ZNF487: variants seen among roughly 807,000 people sequenced by gnomAD.
The protein encoded by ZNF487 is zinc finger protein 487, also known as KRAB domain only 1.
In ZNF487, 4 loss-of-function variants were observed where a neutral mutation model predicts 3.0. That is an observed-to-expected ratio of 1.35 (90% CI 0.66 to 3.08). The LOEUF (loss-of-function observed/expected upper bound fraction) is 3.08. Among genes scored for constraint, ZNF487 ranks in the 30% most tolerant of loss-of-function variants. The pLI is 0.01. For missense variants in ZNF487, 146 were observed against 98.7 expected (o/e 1.48, Z -2.03); for synonymous variants, 55 against 34.6 (o/e 1.59, Z -2.06).
At chr10:43,506,818 C>T in the ZNF487 span, among the ~76,000 whole-genome samples, 26 of 152,250 alleles carry the variant, frequency 1.7e-4, no homozygotes, top group Middle Eastern at 6.8e-3. Context: ...TCAGCCATCC[C>T]ACGACCCAAG....
At chr10:43,498,096 TATA>T in the ZNF487 span, among the ~76,000 whole-genome samples, 266 of 10,460 alleles carry the variant, frequency 0.025, 17 homozygotes, top group South Asian at 0.045. Context: ...TATATATATA[TATA>T]TTTTTTTTTT....
chr10:43,520,162 T>A, the ZNF487 span, among the ~76,000 whole-genome samples: 1 of 149,926 alleles, frequency 6.7e-6, no homozygotes, highest in African/African-American at 2.5e-5. Flanking sequence ...GATTATCTGA[T>A]ACCTGACCAG....
chr10:43,476,406 T>C (rs1171010307), intron 3 of ZNF487, among the ~76,000 whole-genome samples: 1 of 152,232 alleles, frequency 6.6e-6, no homozygotes, highest in African/African-American at 2.4e-5. Context: ...AAATGGTCTT[T>C]GTTTTTTTCC....
the ZNF487 span, among the ~76,000 whole-genome samples, chr10:43,502,330 A>G: frequency 6.6e-6 from 1 of 152,128 alleles, no homozygotes; most frequent in African/African-American, 2.4e-5. Context: ...GGAATTGAAC[A>G]ATGAGAACAC....
chr10:43,503,430 A>G, the ZNF487 span, among the ~76,000 whole-genome samples: 1 of 152,150 alleles, frequency 6.6e-6, no homozygotes, highest in Non-Finnish European at 1.5e-5. Context: ...AAGGAAAACT[A>G]TTTTAAAAAT....
chr10:43,446,941 C>T (rs959372726), intron 1 of ZNF487, among the ~76,000 whole-genome samples: 10 of 152,086 alleles, frequency 6.6e-5, no homozygotes, highest in Admixed American at 5.9e-4. Flanking sequence ...TCTGCAATCC[C>T]GGCACCTCAG....
intron 1 of ZNF487, among the ~76,000 whole-genome samples, chr10:43,447,611 G>A (rs1231979976): frequency 6.6e-6 from 1 of 152,154 alleles, no homozygotes; most frequent in Non-Finnish European, 1.5e-5. Context: ...TGAGCACTGG[G>A]CACTATTCCC....
At chr10:43,446,351 C>A (rs999833906) in intron 1 of ZNF487, among the ~76,000 whole-genome samples, 1 of 151,538 alleles carries the variant, frequency 6.6e-6, no homozygotes, top group African/African-American at 2.4e-5. Flanking sequence ...ACTCTCCTCA[C>A]TTCCCAGACG....
chr10:43,503,027 CAAA>C, the ZNF487 span, among the ~76,000 whole-genome samples: 3,986 of 95,746 alleles, frequency 0.042, 159 homozygotes, highest in African/African-American at 0.14. Flanking sequence ...GACCCTGTCT[CAAA>C]AAAAAAAAAA....
chr10:43,452,493 G>A (rs1308978246), intron 1 of ZNF487: 1 of 150,764 alleles, frequency 6.6e-6, no homozygotes, highest in Non-Finnish European at 1.5e-5. Context: ...CTGGAACCAC[G>A]GGGGTGTGCC....
At chr10:43,455,258 G>A (rs566223600) in intron 1 of ZNF487, among the ~76,000 whole-genome samples, 2 of 152,124 alleles carry the variant, frequency 1.3e-5, no homozygotes, top group East Asian at 3.9e-4. Context: ...TGATCCGCCC[G>A]CCTCGGCCTC....
intron 1 of ZNF487, among the ~76,000 whole-genome samples, chr10:43,474,408 C>T (rs563047892): frequency 5.1e-4 from 77 of 150,226 alleles, no homozygotes; most frequent in African/African-American, 1.9e-3. Flanking sequence ...GAGCTGAGAT[C>T]GTGCCATTGC....
rs1424943770 is a variant in ZNF487, at chr10:43,481,473, C to G, written c.175C>G (p.Gln59Glu). The G allele has an allele frequency of 4.2e-6, 3 of 716,952 alleles. No homozygotes were observed. The highest frequency in any genetic ancestry group is 2.3e-4 in the Middle Eastern group (1 of 4,390). 44.4% of individuals were successfully genotyped at this position (716,952 alleles called of 1,614,324 possible). Residue 59 changes from glutamine (Q) to glutamate (E), a missense_variant, in exon 4 of 4, where the codon CAA becomes GAA. Transcript: ENST00000437590. ...DDLMEKRQEN[Q>E]DQHLQKVDFV... ...CCTGATGGAGAAGAGACAGGAAAAT[C>G]AAGACCAGCATTTGCAGAAAGTTGA... is the stretch of plus-strand genomic sequence containing the variant.
intron 1 of ZNF487, chr10:43,453,269 C>G (rs1806586916): frequency 6.6e-6 from 1 of 152,212 alleles, no homozygotes; most frequent in African/African-American, 2.4e-5. Flanking sequence ...GAGATACACA[C>G]TTGCATACAC....
chr10:43,498,746 T>A, the ZNF487 span, among the ~76,000 whole-genome samples: 2 of 151,474 alleles, frequency 1.3e-5, no homozygotes, highest in African/African-American at 4.8e-5. Flanking sequence ...ATTGAGACCA[T>A]CCTGGCTAAC....
At chr10:43,490,999 G>C in the ZNF487 span, among the ~76,000 whole-genome samples, 172 of 105,878 alleles carry the variant, frequency 1.6e-3, 1 homozygote, top group Non-Finnish European at 1.9e-3. Flanking sequence ...TTTTTTTTGA[G>C]ACAGAGTCTC....
chr10:43,498,091 A>ATTT, the ZNF487 span, among the ~76,000 whole-genome samples: 2 of 27,956 alleles, frequency 7.2e-5, no homozygotes, highest in African/African-American at 1.6e-4. Context: ...ATATATATAT[A>ATTT]TATATATATT....
At chr10:43,518,663 C>T in the ZNF487 span, among the ~76,000 whole-genome samples, 2 of 152,188 alleles carry the variant, frequency 1.3e-5, no homozygotes, top group African/African-American at 4.8e-5. Context: ...AAGCCTGGCA[C>T]ACAATTGTCC....
the ZNF487 span, among the ~76,000 whole-genome samples, chr10:43,512,372 G>T: frequency 1.3e-5 from 2 of 152,182 alleles, no homozygotes; most frequent in East Asian, 1.9e-4. Flanking sequence ...TGCCACTTCC[G>T]TTTGATGATG....
Sources: allele counts gnomAD v4.1 joint callset (sites outside exome capture counted in the v4.1 genomes callset), GRCh38; gene constraint gnomAD v4.1.1; transcripts MANE v1.5; gene names NCBI Gene and HGNC (gene_info 2026-07-23, HGNC 2026-07-21).